The following ITPR1 variants were observed in gnomAD, a reference collection of about 807,000 sequenced individuals.
ITPR1 encodes the protein inositol 1,4,5-trisphosphate receptor type 1, also known as inositol 1,4,5-trisphosphate-gated calcium channel ITPR1.
Under a neutral mutation model 318.4 loss-of-function variants are expected in ITPR1, and 96 were observed. The ratio of observed to expected loss-of-function variants is 0.30; its 90% CI spans 0.26 to 0.36. The LOEUF (loss-of-function observed/expected upper bound fraction) is 0.36. ITPR1 is among the 10% of genes least tolerant of loss of function. The probability of loss-of-function intolerance (pLI) is 1.00; values close to 1 mark genes in which losing one functional copy is unlikely to be tolerated. For missense variants in ITPR1, 2,440 were observed against 3,460.2 expected, an observed-to-expected ratio of 0.71 and a Z score of 7.40; for synonymous variants, 1,312 against 1,289.9, an observed-to-expected ratio of 1.02 and a Z score of -0.37.
intron 35 of ITPR1, 111 bp downstream of exon 35, chr3:4,700,052 A>C: frequency 2.3e-6 from 2 of 880,952 alleles, no homozygotes; most frequent in Non-Finnish European, 1.8e-6. Context: ...CAAGGCATTA[A>C]TACAAGATAT....
chr3:4,500,376 T>G (rs199930787), intron 2 of ITPR1, among the ~76,000 whole-genome samples: 23 of 1,520 alleles, frequency 0.015, no homozygotes, highest in African/African-American at 0.019. Context: ...ATCTTTTTTG[T>G]TTTTTTGTAG....
At chr3:4,548,271 C>T (rs1223730736) in intron 4 of ITPR1, among the ~76,000 whole-genome samples, 1 of 152,162 alleles carries the variant, frequency 6.6e-6, no homozygotes, top group Non-Finnish European at 1.5e-5. Context: ...CACCTTTGTA[C>T]TGCATTCAAA....
At chr3:4,703,340 C>T (rs77877365) in intron 36 of ITPR1, among the ~76,000 whole-genome samples, 1 of 152,190 alleles carries the variant, frequency 6.6e-6, no homozygotes, top group African/African-American at 2.4e-5. Context: ...GCACCTGTCA[C>T]ATCCTAAGGA....
rs541443842 is a variant in ITPR1, at chr3:4,563,557, T to C, written c.163+42463T>C. ...TCCTCTCTGTATGCATATTGAGAAT[T>C]ATTACATAAGTTGGGTTTTTATTAG... On this transcript the variant is annotated intron_variant, in intron 4 of 61. Coordinates refer to ENST00000649015, the MANE Select transcript of ITPR1 (RefSeq NM_001378452.1). 3.9e-5 allele frequency among the ~76,000 whole-genome samples: 6 copies of C among 152,334 alleles called. No individual in the cohort carries two copies. In the South Asian group the frequency reaches 1.2e-3, roughly 32 times the overall value.
At chr3:4,771,898 G>A (rs1332928580) in intron 46 of ITPR1, among the ~76,000 whole-genome samples, 1 of 152,146 alleles carries the variant, frequency 6.6e-6, no homozygotes, top group East Asian at 1.9e-4. Flanking sequence ...TCTGTTCGGA[G>A]TGGAAACTAG....
At chr3:4,734,757 G>T (rs1216815445) in intron 43 of ITPR1, among the ~76,000 whole-genome samples, 1 of 152,242 alleles carries the variant, frequency 6.6e-6, no homozygotes, top group Non-Finnish European at 1.5e-5. Context: ...GAGAGCTAAA[G>T]TGATCATTAT....
At chr3:4,620,185 C>T (rs1269380663) in intron 4 of ITPR1, among the ~76,000 whole-genome samples, 1 of 152,110 alleles carries the variant, frequency 6.6e-6, no homozygotes, top group Non-Finnish European at 1.5e-5. Flanking sequence ...TGGGGTGGAG[C>T]CTGTGCGTTT....
At chr3:4,616,162 T>C (rs1034504074) in intron 4 of ITPR1, among the ~76,000 whole-genome samples, 1 of 152,246 alleles carries the variant, frequency 6.6e-6, no homozygotes, top group Non-Finnish European at 1.5e-5. Flanking sequence ...GAAGGCTTGC[T>C]GGAGATTTTC....
At chr3:4,780,500 G>C (rs1468015002) in intron 49 of ITPR1, among the ~76,000 whole-genome samples, 3 of 152,148 alleles carry the variant, frequency 2.0e-5, no homozygotes, top group Non-Finnish European at 2.9e-5. Context: ...CAGAGACGGT[G>C]ACATGAGTTG....
At chr3:4,808,408 G>A (rs1450268010) in intron 55 of ITPR1, among the ~76,000 whole-genome samples, 4 of 152,138 alleles carry the variant, frequency 2.6e-5, no homozygotes, top group Non-Finnish European at 5.9e-5. Context: ...CAGTGAAACT[G>A]GCATTTCACG....
At chr3:4,813,634 G>T (rs2049085625) in intron 57 of ITPR1, among the ~76,000 whole-genome samples, 1 of 152,080 alleles carries the variant, frequency 6.6e-6, no homozygotes. Context: ...AACTATAAAA[G>T]GAGACTCTTG....
intron 17 of ITPR1, among the ~76,000 whole-genome samples, chr3:4,665,520 A>T (rs1341816365): frequency 2.0e-5 from 3 of 152,178 alleles, no homozygotes; most frequent in African/African-American, 7.2e-5. Context: ...TCTTTCTATG[A>T]GATTTCTGGT....
At chr3:4,795,892 T>C (rs1413458219) in intron 53 of ITPR1, among the ~76,000 whole-genome samples, 2 of 152,204 alleles carry the variant, frequency 1.3e-5, no homozygotes, top group Non-Finnish European at 2.9e-5. Flanking sequence ...TCTTCTGTGA[T>C]ACATTCATGG....
intron 4 of ITPR1, among the ~76,000 whole-genome samples, chr3:4,561,084 A>C (rs1440024877): frequency 1.3e-5 from 2 of 152,120 alleles, no homozygotes; most frequent in African/African-American, 4.8e-5. Flanking sequence ...CTCCTGATTT[A>C]TTTTTAGCAG....
chr3:4,524,064 G>T (rs1292005497), intron 4 of ITPR1, among the ~76,000 whole-genome samples: 1 of 152,114 alleles, frequency 6.6e-6, no homozygotes, highest in East Asian at 1.9e-4. Flanking sequence ...CGTCCTTGTG[G>T]GAAAATCTGG....
At position 4,768,626 on chromosome 3, in the gene ITPR1, C is replaced by T; in HGVS notation, c.5841C>T (p.His1947=). 1.2e-6 allele frequency: 2 copies of T among 1,614,030 alleles called. No homozygotes were observed. Among genetic ancestry groups the T allele is most frequent in the Non-Finnish European group, 1.7e-6 (2 of 1,179,892 alleles). ...TFRREADPDD[H]YQPGEGTQAT... is the part of the protein sequence containing the mutation. ...GGAGGGAGGCTGATCCCGACGACCACTACCAGCCTGGAGAGGGCACCCAGG... is the reference window on the plus strand; with the variant it reads ...GGAGGGAGGCTGATCCCGACGACCATTACCAGCCTGGAGAGGGCACCCAGG... Residue 1947 remains histidine (H), a synonymous_variant, in exon 46 of 62, where the codon CAC becomes CAT. Coordinates refer to ENST00000649015, the MANE Select transcript of ITPR1 (RefSeq NM_001378452.1).
intron 4 of ITPR1, among the ~76,000 whole-genome samples, chr3:4,613,685 A>G (rs1365316663): frequency 2.6e-5 from 4 of 152,194 alleles, no homozygotes; most frequent in Non-Finnish European, 5.9e-5. Context: ...TGCAAATTGG[A>G]CATTGTTATC....
chr3:4,549,198 A>AT (rs1218738215), intron 4 of ITPR1, among the ~76,000 whole-genome samples: 1 of 152,258 alleles, frequency 6.6e-6, no homozygotes, highest in African/African-American at 2.4e-5. Context: ...TTAAATAAAT[A>AT]TGATGCTTTT....
chr3:4,530,739 C>G (rs1397039296), intron 4 of ITPR1, among the ~76,000 whole-genome samples: 2 of 151,986 alleles, frequency 1.3e-5, no homozygotes, highest in African/African-American at 4.8e-5. Context: ...CATGTTTGCA[C>G]CACTGCACTC....
Sources: gnomAD v4.1 joint callset for allele counts (sites outside exome capture counted in the v4.1 genomes callset) on GRCh38, gnomAD v4.1.1 for gene constraint, MANE v1.5 for transcripts, NCBI Gene and HGNC (gene_info 2026-07-23, HGNC 2026-07-21) for gene names.